Variants in KIAA1217 observed in about 807,000 individuals in gnomAD.
KIAA1217 encodes the protein KIAA1217, also known as sickle tail protein homolog.
KIAA1217 carries 88 observed loss-of-function variants against 163.9 expected under a neutral mutation model. The ratio of observed to expected loss-of-function variants is 0.54; its 90% confidence interval spans 0.45 to 0.64. The LOEUF is 0.64. KIAA1217 is among the 30% of genes least tolerant of loss of function. The probability of loss-of-function intolerance (pLI) is 0.00; values close to 1 mark genes in which losing one functional copy is unlikely to be tolerated. For synonymous variants in KIAA1217, 903 were observed against 923.1 expected (o/e 0.98, Z 0.39); for missense variants, 2,372 against 2,475.0 (o/e 0.96, Z 0.88).
chr10:23,954,033 C>T (rs1484352343), intron 1 of KIAA1217, among the ~76,000 whole-genome samples: 1 of 152,114 alleles, frequency 6.6e-6, no homozygotes, highest in African/African-American at 2.4e-5. Flanking sequence ...TCTGTTTTAT[C>T]CAAAGGTCAG....
intron 1 of KIAA1217, among the ~76,000 whole-genome samples, chr10:23,975,357 A>C (rs1706371875): frequency 6.6e-6 from 1 of 152,196 alleles, no homozygotes; most frequent in South Asian, 2.1e-4. Context: ...ACATTGTATA[A>C]AAAGCTAGTA....
chr10:24,288,886 GA>G (rs1362392565), intron 2 of KIAA1217, among the ~76,000 whole-genome samples: 11 of 152,124 alleles, frequency 7.2e-5, no homozygotes, highest in African/African-American at 2.4e-4. Flanking sequence ...GGTAAATAGG[GA>G]AGTGACATAT....
chr10:24,144,705 G>T (rs1169468832), intron 2 of KIAA1217, among the ~76,000 whole-genome samples: 1 of 152,176 alleles, frequency 6.6e-6, no homozygotes, highest in African/African-American at 2.4e-5. Context: ...GAAATGGCAG[G>T]ATCTGGAGTA....
At position 23,935,138 on chromosome 10, in the gene KIAA1217, C is replaced by T. The variant is rs115260490; in HGVS notation, c.-320-72087C>T. Among the ~76,000 whole-genome samples the T allele has an allele frequency of 2.5e-3, 379 of 152,146 alleles. 1 individual carries two copies. The highest frequency in any genetic ancestry group is 8.8e-3 in the African/African-American group (365 of 41,486). The stretch of plus-strand genomic sequence containing the variant: ...AAATAATGAGTGATGTACATAAGTA[C>T]AGTCTATGTTCTATAAATAAATGAT... On this transcript the variant is annotated intron_variant, in intron 1 of 18. Coordinates refer to the KIAA1217 transcript ENST00000376462.
intron 2 of KIAA1217, among the ~76,000 whole-genome samples, chr10:24,036,219 T>A (rs1163464235): frequency 6.6e-6 from 1 of 151,732 alleles, no homozygotes; most frequent in Admixed American, 6.6e-5. Context: ...AGGAAGAGAG[T>A]TCATGGGAAG....
At chr10:24,392,004 C>G (rs771017895) in intron 3 of KIAA1217, among the ~76,000 whole-genome samples, 3 of 152,152 alleles carry the variant, frequency 2.0e-5, no homozygotes, top group Non-Finnish European at 4.4e-5. Flanking sequence ...ATGATTTATA[C>G]CTTTCTAAAT....
chr10:23,738,615 TG>T (rs779431359), intron 1 of KIAA1217, among the ~76,000 whole-genome samples: 4 of 141,960 alleles, frequency 2.8e-5, no homozygotes, highest in African/African-American at 5.4e-5. Flanking sequence ...TCTTTAGAAA[TG>T]TTTTTTTTTC....
intron 2 of KIAA1217, among the ~76,000 whole-genome samples, chr10:24,327,053 T>C (rs1335696310): frequency 6.6e-6 from 1 of 152,202 alleles, no homozygotes; most frequent in African/African-American, 2.4e-5. Context: ...AATATTTGAG[T>C]ATGATTTGTT....
chr10:23,877,100 C>G (rs1840732764), intron 1 of KIAA1217, among the ~76,000 whole-genome samples: 1 of 151,954 alleles, frequency 6.6e-6, no homozygotes, highest in South Asian at 2.1e-4. Context: ...GTTCTGTAGT[C>G]TCAAACTCAT....
chr10:23,823,615 C>T (rs183119234), intron 1 of KIAA1217, among the ~76,000 whole-genome samples: 3 of 152,162 alleles, frequency 2.0e-5, no homozygotes, highest in Admixed American at 1.3e-4. Flanking sequence ...GGGATTAGGG[C>T]GTGGATATGT....
intron 1 of KIAA1217, among the ~76,000 whole-genome samples, chr10:23,998,512 C>A (rs1846603089): frequency 6.6e-6 from 1 of 152,214 alleles, no homozygotes; most frequent in African/African-American, 2.4e-5. Flanking sequence ...GGGGTGATTC[C>A]CCAATCTGCA....
intron 1 of KIAA1217, among the ~76,000 whole-genome samples, chr10:23,913,025 G>A (rs1366826430): frequency 1.3e-5 from 2 of 152,134 alleles, no homozygotes; most frequent in Admixed American, 6.5e-5. Context: ...ACCCAACACA[G>A]CATCTCTAGC....
chr10:24,390,813 C>T (rs1311372080), intron 3 of KIAA1217, among the ~76,000 whole-genome samples: 1 of 152,112 alleles, frequency 6.6e-6, no homozygotes, highest in Non-Finnish European at 1.5e-5. Flanking sequence ...GTGATACAAG[C>T]ATCCCCCCAG....
chr10:23,838,319 T>C (rs1253063901), intron 1 of KIAA1217, among the ~76,000 whole-genome samples: 2 of 152,156 alleles, frequency 1.3e-5, no homozygotes, highest in Non-Finnish European at 2.9e-5. Context: ...TACTGATATA[T>C]GAGAATACAG....
intron 3 of KIAA1217, among the ~76,000 whole-genome samples, chr10:24,396,925 C>T (rs1252188004): frequency 6.6e-6 from 1 of 152,066 alleles, no homozygotes; most frequent in East Asian, 1.9e-4. Flanking sequence ...AGACTAAAGG[C>T]AGTGTGGACA....
chr10:24,007,068 G>A (rs1451429273), intron 1 of KIAA1217, among the ~76,000 whole-genome samples: 1 of 151,902 alleles, frequency 6.6e-6, no homozygotes, highest in Non-Finnish European at 1.5e-5. Context: ...ATAAAGCCCT[G>A]TGTGTAATTA....
chr10:24,364,902 A>G (rs2050557588), intron 2 of KIAA1217, among the ~76,000 whole-genome samples: 1 of 151,954 alleles, frequency 6.6e-6, no homozygotes, highest in South Asian at 2.1e-4. Flanking sequence ...GAGGTCAAGC[A>G]GTCCTCCCCC....
At chr10:24,080,313 G>A (rs147275276) in intron 2 of KIAA1217, among the ~76,000 whole-genome samples, 6 of 152,238 alleles carry the variant, frequency 3.9e-5, no homozygotes, top group South Asian at 2.1e-4. Flanking sequence ...TTGTTTATAC[G>A]GCATTCCTGG....
chr10:24,021,723 C>A, intron 2 of KIAA1217, among the ~76,000 whole-genome samples: 1 of 151,716 alleles, frequency 6.6e-6, no homozygotes, highest in East Asian at 1.9e-4. Flanking sequence ...CTATAGTAAT[C>A]AAGACAGGGT....
Sources: allele counts gnomAD v4.1 joint callset (sites outside exome capture counted in the v4.1 genomes callset), GRCh38; gene constraint gnomAD v4.1.1; transcripts MANE v1.5; gene names NCBI Gene and HGNC (gene_info 2026-07-23, HGNC 2026-07-21).